Variants in ABCA12 observed in about 807,000 individuals in gnomAD.
ABCA12 encodes glucosylceramide transporter ABCA12.
A neutral mutation model predicts 293.5 loss-of-function variants in ABCA12; 156 were observed. That is an observed-to-expected ratio of 0.53 (90% CI 0.47 to 0.61). The LOEUF (loss-of-function observed/expected upper bound fraction) is 0.61. ABCA12 is among the 20% of genes least tolerant of loss of function. The pLI, the probability that ABCA12 is intolerant of heterozygous loss-of-function variation, is 0.00. For synonymous variants in ABCA12, 1,063 were observed against 1,108.0 expected (o/e 0.96, Z 0.81); for missense variants, 2,797 against 3,090.2 (o/e 0.91, Z 2.25).
intron 23 of ABCA12, among the ~76,000 whole-genome samples, chr2:214,996,733 A>T (rs571727544): frequency 1.4e-3 from 217 of 152,366 alleles, no homozygotes; most frequent in Non-Finnish European, 2.4e-3. Flanking sequence ...TGAAAGCCTG[A>T]TGCTGAACTA....
intron 2 of ABCA12, among the ~76,000 whole-genome samples, chr2:215,105,623 G>T (rs573312369): frequency 6.8e-6 from 1 of 146,692 alleles, no homozygotes. Flanking sequence ...ACACACACAC[G>T]CACTTTCACA....
chr2:215,032,120 A>C (rs1183521948), intron 8 of ABCA12: 7 of 1,395,946 alleles, frequency 5.0e-6, no homozygotes, highest in Non-Finnish European at 6.5e-6. Flanking sequence ...CCCGATGGTC[A>C]AGCATATGCA....
chr2:215,073,141 C>T lies in ABCA12; in HGVS notation c.164-8922G>A, dbSNP rs185233649. Among the ~76,000 whole-genome samples, 24 of 152,224 alleles carry T rather than the reference C, an allele frequency of 1.6e-4. No individual in the cohort carries two copies. In the East Asian group the frequency reaches 1.7e-3, roughly 11 times the overall value. ...AAGAAACAAGGAATGTTGAGTTCTA[C>T]GGCTCATCTGGGGTGAGTAGGGTTT... is the stretch of plus-strand genomic sequence containing the variant. On this transcript the variant is annotated intron_variant, in intron 2 of 52. Coordinates refer to ENST00000272895, the MANE Select transcript of ABCA12 (RefSeq NM_173076.3).
At chr2:214,990,445 T>A (rs1237069441) in intron 24 of ABCA12, among the ~76,000 whole-genome samples, 1 of 152,190 alleles carries the variant, frequency 6.6e-6, no homozygotes. Flanking sequence ...TAAAACATGA[T>A]GTATGACATT....
At chr2:214,997,025 T>C (rs752728110) in intron 23 of ABCA12, among the ~76,000 whole-genome samples, 36 of 152,216 alleles carry the variant, frequency 2.4e-4, no homozygotes, top group Non-Finnish European at 3.5e-4. Flanking sequence ...TAATGCTTTA[T>C]CATAAATTCT....
At chr2:215,005,846 A>T (rs1042495922) in intron 19 of ABCA12, among the ~76,000 whole-genome samples, 1 of 152,250 alleles carries the variant, frequency 6.6e-6, no homozygotes, top group Non-Finnish European at 1.5e-5. Context: ...TACAAAATTT[A>T]AAAATACCAA....
intron 33 of ABCA12, among the ~76,000 whole-genome samples, chr2:214,976,529 T>C (rs1699521089): frequency 6.6e-6 from 1 of 152,184 alleles, no homozygotes. Context: ...GTAAGTCTAA[T>C]TGGCTCTGAT....
chr2:214,938,718 A>G (rs1201131313), intron 50 of ABCA12, among the ~76,000 whole-genome samples: 2 of 152,066 alleles, frequency 1.3e-5, no homozygotes, highest in Non-Finnish European at 2.9e-5. Flanking sequence ...ATGACCAGTA[A>G]TGAGATTTTC....
At chr2:214,986,428 A>G in intron 28 of ABCA12, 114 bp downstream of exon 28, 1 of 1,060,254 alleles carries the variant, frequency 9.4e-7, no homozygotes, top group Non-Finnish European at 1.4e-6. Flanking sequence ...ATCTTCCTCC[A>G]TCTGGGAAAT....
chr2:215,010,509 T>A, intron 17 of ABCA12, 39 bp from the exon 18 acceptor site: 1 of 1,606,410 alleles, frequency 6.2e-7, no homozygotes, highest in African/African-American at 1.3e-5. Context: ...TTAATAGATG[T>A]ACTTCAAATC....
At chr2:214,991,675 A>G (rs1482424387) in intron 23 of ABCA12, among the ~76,000 whole-genome samples, 1 of 152,186 alleles carries the variant, frequency 6.6e-6, no homozygotes, top group Non-Finnish European at 1.5e-5. Context: ...CCAAAAAGCC[A>G]TTTATACATT....
At chr2:214,998,654 C>A (rs1700083074) in intron 22 of ABCA12, among the ~76,000 whole-genome samples, 1 of 152,194 alleles carries the variant, frequency 6.6e-6, no homozygotes, top group African/African-American at 2.4e-5. Flanking sequence ...TGGAGTGGTT[C>A]TCAAAGCACC....
intron 42 of ABCA12, among the ~76,000 whole-genome samples, chr2:214,955,911 C>A (rs1176339364): frequency 6.6e-6 from 1 of 152,106 alleles, no homozygotes; most frequent in South Asian, 2.1e-4. Context: ...ATTATCCCGC[C>A]TAGGCAAGCC....
intron 1 of ABCA12, among the ~76,000 whole-genome samples, chr2:215,132,350 C>T (rs1032408427): frequency 2.0e-5 from 3 of 152,012 alleles, no homozygotes; most frequent in Non-Finnish European, 4.4e-5. Flanking sequence ...AAGTCCACCA[C>T]TATTATTGTA....
intron 45 of ABCA12, 41 bp downstream of exon 45, chr2:214,950,838 C>G (rs1377548455): frequency 6.3e-7 from 1 of 1,586,670 alleles, no homozygotes; most frequent in African/African-American, 1.3e-5. Context: ...ACATAGTATG[C>G]CAATGAAAAG....
intron 45 of ABCA12, among the ~76,000 whole-genome samples, chr2:214,950,521 T>TG (rs1234365749): frequency 1.3e-5 from 2 of 150,918 alleles, no homozygotes; most frequent in Non-Finnish European, 3.0e-5. Context: ...TTTTTTTTTT[T>TG]TTTGAGGCAG....
At chr2:215,057,595 T>TTC (rs5838482) in intron 3 of ABCA12, among the ~76,000 whole-genome samples, 97,394 of 151,786 alleles carry the variant, frequency 0.64, 31,876 homozygotes, top group African/African-American at 0.77. Context: ...TTTATGTAAC[T>TTC]TTTATCTGTT....
chr2:215,025,776 T>C lies in ABCA12; in HGVS notation c.1184A>G (p.Asn395Ser), dbSNP rs1264887118. The C allele has an allele frequency of 1.2e-6, 2 of 1,609,162 alleles. No individual in the cohort carries two copies. Among genetic ancestry groups the C allele is most frequent in the African/African-American group, 2.7e-5 (2 of 74,780 alleles). ...TATTGTGGACTGCAGGAGTCTTAGATTTTCTGTAAAGGAAGGGAGAAGAGT... is the reference window on the plus strand; with the variant it reads ...TATTGTGGACTGCAGGAGTCTTAGACTTTCTGTAAAGGAAGGGAGAAGAGT... ...TDSLARGSPENLRLLQSTIRF... is the reference protein window; with the variant it reads ...TDSLARGSPESLRLLQSTIRF... The change falls in exon 11 of 53, where the codon AAT (asparagine) becomes AGT (serine). Residue 395 changes from asparagine to serine, a missense_variant. Asn to Ser is a conservative substitution (Grantham distance 46). Transcript: ENST00000272895.
chr2:215,066,203 G>T (rs979599973), intron 2 of ABCA12, among the ~76,000 whole-genome samples: 1 of 152,048 alleles, frequency 6.6e-6, no homozygotes, highest in Non-Finnish European at 1.5e-5. Flanking sequence ...AATGCACTCT[G>T]TTACACAGAT....
Sources: allele counts gnomAD v4.1 joint callset (sites outside exome capture counted in the v4.1 genomes callset), GRCh38; gene constraint gnomAD v4.1.1; transcripts MANE v1.5; gene names NCBI Gene and HGNC (gene_info 2026-07-23, HGNC 2026-07-21).